ARHGEF33: variants seen among roughly 807,000 people sequenced by gnomAD.
ARHGEF33 encodes DH and coiled-coil domain-containing protein ENSP00000381780.
A neutral mutation model predicts 101.9 loss-of-function variants in ARHGEF33; 72 were observed. The observed-to-expected ratio is 0.71, with a 90% CI of 0.58 to 0.86. ARHGEF33 has a LOEUF of 0.86. Ranked by LOEUF, ARHGEF33 falls within the 40% of genes least tolerant of loss-of-function variation. ARHGEF33 has a pLI of 0.00. For synonymous variants in ARHGEF33, 499 were observed against 442.5 expected (o/e 1.13, Z -1.60); for missense variants, 1,169 against 1,111.3 (o/e 1.05, Z -0.74).
At chr2:38,919,944 C>G (rs550042035) in intron 3 of ARHGEF33, among the ~76,000 whole-genome samples, 114 of 152,298 alleles carry the variant, frequency 7.5e-4, no homozygotes, top group African/African-American at 2.6e-3. Context: ...TCCTCCCAAG[C>G]CCTGATTCTT....
chr2:38,925,430 C>G (rs1306732610), intron 4 of ARHGEF33, among the ~76,000 whole-genome samples: 2 of 152,148 alleles, frequency 1.3e-5, no homozygotes, highest in African/African-American at 2.4e-5. Flanking sequence ...TCTTCTGATA[C>G]TAGAGAAGTT....
chr2:38,951,457 T>A (rs879582372), intron 11 of ARHGEF33, among the ~76,000 whole-genome samples: 9 of 152,214 alleles, frequency 5.9e-5, no homozygotes, highest in Admixed American at 5.9e-4. Context: ...TGTGTGTTTT[T>A]ATATAAATGT....
chr2:38,893,705 C>A (rs1160559572), intron 1 of ARHGEF33, among the ~76,000 whole-genome samples: 1 of 152,200 alleles, frequency 6.6e-6, no homozygotes, highest in Non-Finnish European at 1.5e-5. Flanking sequence ...CTCCTAGCAC[C>A]TGGTACAATG....
chr2:38,900,730 G>A (rs1666220291), intron 2 of ARHGEF33, among the ~76,000 whole-genome samples: 1 of 152,172 alleles, frequency 6.6e-6, no homozygotes, highest in Admixed American at 6.5e-5. Flanking sequence ...TGGAGTTAGT[G>A]AGATGGGGTT....
chr2:38,905,794 C>T (rs573017538), intron 2 of ARHGEF33, among the ~76,000 whole-genome samples: 1 of 152,288 alleles, frequency 6.6e-6, no homozygotes, highest in Non-Finnish European at 1.5e-5. Context: ...GTTAGATCAA[C>T]TTGTCTTCAG....
intron 2 of ARHGEF33, among the ~76,000 whole-genome samples, chr2:38,906,207 GA>G (rs966090875): frequency 1.1e-4 from 16 of 142,736 alleles, no homozygotes; most frequent in South Asian, 2.2e-4. Context: ...AAAAAAAAAA[GA>G]AAAAAATTCT....
chr2:38,964,209 C>T (rs552383500), intron 16 of ARHGEF33, among the ~76,000 whole-genome samples: 1 of 152,198 alleles, frequency 6.6e-6, no homozygotes, highest in South Asian at 2.1e-4. Context: ...CTTTTCAGTG[C>T]TTTGTGGCAG....
chr2:38,929,826 G>C lies in ARHGEF33; in HGVS notation c.358G>C (p.Ala120Pro). ...GCGAAGAGAATCTCGAAAAGTTAAA[G>C]CCAAGTGAGTGTCTTTTAAAAATGT... ...EKRRESRKVK[A>P]KKTQKEEHSS... The change falls in exon 6 of 18, where the codon GCC (alanine) becomes CCC (proline). Residue 120 changes from alanine to proline, a missense_variant. By Grantham distance (27) the Ala-to-Pro change is conservative. Transcript: ENST00000409978. 1 of 1,551,036 alleles carries C rather than the reference G, an allele frequency of 6.4e-7. No individual in the cohort carries two copies. The highest frequency in any genetic ancestry group is 8.7e-7 in the Non-Finnish European group (1 of 1,146,610).
At chr2:38,919,984 A>G (rs1217816189) in intron 3 of ARHGEF33, among the ~76,000 whole-genome samples, 1 of 152,206 alleles carries the variant, frequency 6.6e-6, no homozygotes, top group East Asian at 1.9e-4. Flanking sequence ...GGGACATAGT[A>G]TGAAATTGTC....
intron 8 of ARHGEF33, 188 bp from the exon 9 acceptor site, chr2:38,937,147 A>C (rs1242254538): frequency 1.9e-6 from 1 of 520,094 alleles, no homozygotes; most frequent in Non-Finnish European, 3.5e-6. Flanking sequence ...GGTGCCCGCC[A>C]CCACGCCCAG....
intron 13 of ARHGEF33, among the ~76,000 whole-genome samples, chr2:38,955,481 CTTTTTT>C (rs3085350): frequency 2.5e-4 from 18 of 71,184 alleles, no homozygotes; most frequent in Non-Finnish European, 3.8e-4. Context: ...ATTGAAAAGA[CTTTTTT>C]TTTTTTTTTT....
chr2:38,967,189 C>G (rs1223457223), intron 17 of ARHGEF33, among the ~76,000 whole-genome samples: 1 of 152,186 alleles, frequency 6.6e-6, no homozygotes, highest in Non-Finnish European at 1.5e-5. Flanking sequence ...GGGGGCAACC[C>G]TGGAGTGAGG....
intron 2 of ARHGEF33, among the ~76,000 whole-genome samples, chr2:38,900,187 C>G (rs959200163): frequency 6.6e-6 from 1 of 152,102 alleles, no homozygotes; most frequent in East Asian, 1.9e-4. Context: ...CAGAACAAGA[C>G]CCCATCTCTA....
chr2:38,955,023 C>A (rs1667704724), intron 13 of ARHGEF33, among the ~76,000 whole-genome samples: 1 of 152,168 alleles, frequency 6.6e-6, no homozygotes, highest in Middle Eastern at 3.2e-3. Context: ...CTCAGCTGAT[C>A]CAGGATCTTT....
Position 38,973,768 on chromosome 2 carries a change from T to C in ARHGEF33, c.2538T>C (p.Pro846=). 1.3e-6 allele frequency: 2 copies of C among 1,548,958 alleles called. No individual in the cohort carries two copies. The highest frequency in any genetic ancestry group is 8.7e-7 in the Non-Finnish European group (1 of 1,146,120). The change falls in exon 18 of 18, where the codon CCT becomes CCC. Residue 846 remains proline, a synonymous_variant. Coordinates refer to ENST00000409978, the MANE Select transcript of ARHGEF33 (RefSeq NM_001145451.5). ...CTAATGAGAATCCCTCAATGGATCCTTCACCCACCAAACAAGATTTCTTCA... is the reference window on the plus strand; with the variant it reads ...CTAATGAGAATCCCTCAATGGATCCCTCACCCACCAAACAAGATTTCTTCA... ...EKTNENPSMD[P]SPTKQDFFRN...
chr2:38,907,206 A>G (rs994741967), intron 2 of ARHGEF33, among the ~76,000 whole-genome samples: 3 of 152,168 alleles, frequency 2.0e-5, no homozygotes, highest in Non-Finnish European at 4.4e-5. Flanking sequence ...ACCCCTGTCA[A>G]GTATGCACGG....
intron 10 of ARHGEF33, among the ~76,000 whole-genome samples, chr2:38,946,439 T>G (rs551733481): frequency 6.6e-6 from 1 of 152,346 alleles, no homozygotes; most frequent in Non-Finnish European, 1.5e-5. Flanking sequence ...CCTTCTTTTT[T>G]CTTTGCATGG....
chr2:38,958,129 A>T lies in ARHGEF33; in HGVS notation c.1466A>T (p.Asp489Val). 1.3e-6 allele frequency: 2 copies of T among 1,552,008 alleles called. No homozygotes were observed. Among genetic ancestry groups the T allele is most frequent in the Non-Finnish European group, 1.7e-6 (2 of 1,147,070 alleles). Residue 489 changes from aspartate to valine, a missense_variant, in exon 15 of 18, where the codon GAC (aspartate) becomes GTC (valine). Transcript: ENST00000409978. ...ACTGCAGGTCCTGAGGCTGTCCGTG[A>T]CACTGGGATCCACTCAGAAGAGTTG... ...SPTAGPEAVRDTGIHSEELLQ... is the reference protein window; with the variant it reads ...SPTAGPEAVRVTGIHSEELLQ...
chr2:38,957,842 A>G (rs1667808395), intron 14 of ARHGEF33, 192 bp from the exon 15 acceptor site: 2 of 609,656 alleles, frequency 3.3e-6, no homozygotes, highest in Non-Finnish European at 5.6e-6. Flanking sequence ...TCAGCCAGTG[A>G]ATCAGCTTCC....
Sources: allele counts gnomAD v4.1 joint callset (sites outside exome capture counted in the v4.1 genomes callset), GRCh38; gene constraint gnomAD v4.1.1; transcripts MANE v1.5; gene names NCBI Gene and HGNC (gene_info 2026-07-23, HGNC 2026-07-21).